Variants in PRRG1 observed in about 807,000 individuals in gnomAD.
PRRG1 encodes the protein transmembrane gamma-carboxyglutamic acid protein 1.
PRRG1 carries 5 observed loss-of-function variants against 11.8 expected under a neutral mutation model. The ratio of observed to expected loss-of-function variants is 0.42; its 90% CI spans 0.22 to 0.89. PRRG1 has a LOEUF of 0.89. PRRG1 is among the 40% of genes least tolerant of loss of function. The probability of loss-of-function intolerance (pLI) is 0.28; values close to 1 mark genes in which losing one functional copy is unlikely to be tolerated. For synonymous variants in PRRG1, 66 were observed against 60.4 expected (o/e 1.09, Z -0.43); for missense variants, 155 against 166.1 (o/e 0.93, Z 0.37).
At chrX:37,441,536 C>T in intron 3 of PRRG1, 2 of 760,273 alleles carry the variant, frequency 2.6e-6, no homozygotes, top group Non-Finnish European at 3.1e-6. Flanking sequence ...GCCACCACCC[C>T]AGTGTTGCAG....
chrX:37,453,624 C>T lies in PRRG1; in HGVS notation c.*3C>T, dbSNP rs41310653. On this transcript the variant is annotated 3_prime_UTR_variant, in exon 4 of 4. Transcript: ENST00000378628. Reference sequence around the variant, plus strand: ...CTGTGGTCACCACCATCAAATGAAGCTGCAAACTTCTTTTTACTCTAATCA... The same window carrying T: ...CTGTGGTCACCACCATCAAATGAAGTTGCAAACTTCTTTTTACTCTAATCA... 62 of 1,151,412 alleles carry T rather than the reference C, an allele frequency of 5.4e-5. No individual in the cohort carries two copies. Among genetic ancestry groups the T allele is most frequent in the Non-Finnish European group, 7.1e-5 (62 of 867,203 alleles). 94.9% of individuals were successfully genotyped at this position (1,151,412 alleles called of 1,213,427 possible).
intron 1 of PRRG1, among the ~76,000 whole-genome samples, chrX:37,402,621 A>G (rs1932040767): frequency 8.9e-6 from 1 of 112,011 alleles, no homozygotes; most frequent in South Asian, 3.7e-4. Context: ...ACAAAAGCCA[A>G]AATTGACAAA....
chrX:37,395,009 A>C (rs1465679010), intron 1 of PRRG1, among the ~76,000 whole-genome samples: 4 of 111,984 alleles, frequency 3.6e-5, no homozygotes, highest in African/African-American at 1.3e-4. Context: ...GAAAAATACC[A>C]AATCTTTGTT....
rs1921319068 is a variant in PRRG1, at chrX:37,455,483, C to A, written c.*1862C>A. 8.9e-6 allele frequency: 1 copy of A among 112,029 alleles called. No homozygotes were observed. Among genetic ancestry groups the A allele is most frequent in the Non-Finnish European group, 1.9e-5 (1 of 53,264 alleles). The allele number at this position is 112,029 out of a possible 1,213,427, so 9.2% of individuals were successfully genotyped here. A position where few individuals can be genotyped will look rare whatever the true frequency, so the allele number is the denominator to read the frequency against. ...CTGCCCCATAAATGGGTAACATATT[C>A]CTAATCTGAGTGTGTGGGCTGTTAG... On this transcript the variant is annotated 3_prime_UTR_variant, in exon 4 of 4. Coordinates refer to ENST00000378628, the MANE Select transcript of PRRG1 (RefSeq NM_001142395.2).
Position 37,454,078 on chromosome X carries a change from T to C in PRRG1, c.*457T>C, listed in dbSNP as rs1459992429. 8.9e-6 allele frequency: 1 copy of C among 112,749 alleles called. No homozygotes were observed. The highest frequency in any genetic ancestry group is 3.2e-5 in the African/African-American group (1 of 30,933). The allele number at this position is 112,749 out of a possible 1,213,427, so 9.3% of individuals were successfully genotyped here. On this transcript the variant is annotated 3_prime_UTR_variant, in exon 4 of 4. Coordinates refer to ENST00000378628, the MANE Select transcript of PRRG1 (RefSeq NM_001142395.2). The stretch of plus-strand genomic sequence containing the variant: ...GTAGATTTTTGCAAACTGGATGTAC[T>C]TAGCATGTTTTCTAATTCTGACTGG...
chrX:37,413,185 CTT>C (rs1454953676), intron 2 of PRRG1, among the ~76,000 whole-genome samples: 2 of 110,810 alleles, frequency 1.8e-5, no homozygotes, highest in East Asian at 5.7e-4. Flanking sequence ...AGGGTTCACT[CTT>C]GTTGTTGTAT....
intron 2 of PRRG1, among the ~76,000 whole-genome samples, chrX:37,420,500 G>A (rs1451324973): frequency 2.7e-5 from 3 of 109,209 alleles, no homozygotes; most frequent in Non-Finnish European, 5.7e-5. Flanking sequence ...TCTTGCTACT[G>A]TTTGCTACTG....
intron 3 of PRRG1, among the ~76,000 whole-genome samples, chrX:37,436,720 G>A (rs368031853): frequency 1.8e-5 from 2 of 112,470 alleles, no homozygotes; most frequent in East Asian, 2.8e-4. Context: ...TGACTAAAGA[G>A]TTGTTAGGGA....
chrX:37,369,121 C>G (rs193171027), intron 1 of PRRG1, among the ~76,000 whole-genome samples: 2 of 112,187 alleles, frequency 1.8e-5, no homozygotes, highest in East Asian at 5.6e-4. Flanking sequence ...TTTACCCTTT[C>G]TGATTTTCTT....
intron 1 of PRRG1, among the ~76,000 whole-genome samples, chrX:37,359,327 G>GTT (rs782365597): frequency 9.8e-6 from 1 of 102,043 alleles, no homozygotes; most frequent in Non-Finnish European, 2.0e-5. Flanking sequence ...TTTGCTGAGA[G>GTT]TTTTTTTTTT....
chrX:37,422,657 T>C (rs1228356130), intron 2 of PRRG1, among the ~76,000 whole-genome samples: 6 of 111,913 alleles, frequency 5.4e-5, no homozygotes, highest in African/African-American at 1.6e-4. Flanking sequence ...CACAAATGCA[T>C]GTATCATGTT....
chrX:37,432,697 C>T (rs1932844677), intron 3 of PRRG1, among the ~76,000 whole-genome samples: 2 of 112,279 alleles, frequency 1.8e-5, no homozygotes, highest in African/African-American at 6.5e-5. Context: ...TCTGCCTACA[C>T]TTGCTCCCCT....
intron 1 of PRRG1, among the ~76,000 whole-genome samples, chrX:37,398,825 G>A (rs1210369036): frequency 6.3e-5 from 7 of 111,350 alleles, no homozygotes; most frequent in South Asian, 3.9e-4. Flanking sequence ...CGAGAACTAC[G>A]TGAAGAATGC....
chrX:37,384,304 T>A (rs5917540), intron 1 of PRRG1, among the ~76,000 whole-genome samples: 22,172 of 110,833 alleles, frequency 0.2, 2,556 homozygotes, highest in African/African-American at 0.44. Context: ...TTCTGGACAG[T>A]GGCTAAGGCT....
chrX:37,351,233 T>G, intron 1 of PRRG1, among the ~76,000 whole-genome samples: 1 of 111,432 alleles, frequency 9.0e-6, no homozygotes, highest in South Asian at 3.7e-4. Flanking sequence ...AGTGGCTTAC[T>G]CCTGTAATCC....
At chrX:37,352,379 C>T (rs1249653033) in intron 1 of PRRG1, among the ~76,000 whole-genome samples, 7 of 111,817 alleles carry the variant, frequency 6.3e-5, no homozygotes, top group Non-Finnish European at 1.3e-4. Flanking sequence ...TCCTAAAACA[C>T]TTCAAGTTAG....
chrX:37,425,122 TTTA>T (rs782072213), intron 2 of PRRG1, among the ~76,000 whole-genome samples: 29 of 111,226 alleles, frequency 2.6e-4, no homozygotes, highest in African/African-American at 9.1e-4. Flanking sequence ...TTTTTTATAT[TTTA>T]TTATTATTAA....
At chrX:37,431,197 G>T (rs1010696828) in intron 3 of PRRG1, among the ~76,000 whole-genome samples, 2 of 112,120 alleles carry the variant, frequency 1.8e-5, no homozygotes, top group African/African-American at 6.5e-5. Flanking sequence ...TACAAATAAA[G>T]CTGTTATGAA....
At chrX:37,408,224 C>T (rs1426126958) in intron 2 of PRRG1, among the ~76,000 whole-genome samples, 2 of 110,888 alleles carry the variant, frequency 1.8e-5, no homozygotes, top group Non-Finnish European at 3.8e-5. Context: ...CACAGATACA[C>T]GTGGAGTGGT....
Sources: gnomAD v4.1 joint callset for allele counts (sites outside exome capture counted in the v4.1 genomes callset) on GRCh38, gnomAD v4.1.1 for gene constraint, MANE v1.5 for transcripts, NCBI Gene and HGNC (gene_info 2026-07-23, HGNC 2026-07-21) for gene names.